Variants in FBXO25 observed in about 807,000 individuals in gnomAD.
The protein encoded by FBXO25 is F-box protein 25, also known as F-box only protein 25.
A neutral mutation model predicts 51.9 loss-of-function variants in FBXO25; 45 were observed. That is an observed-to-expected ratio of 0.87 (90% CI 0.68 to 1.11). The LOEUF (loss-of-function observed/expected upper bound fraction) is 1.11, where lower values mean the gene tolerates loss of function less well. Ranked by LOEUF, FBXO25 falls within the 50% of genes most tolerant of loss-of-function variation. The pLI, the probability that FBXO25 is intolerant of heterozygous loss-of-function variation, is 0.00. For missense variants in FBXO25, 507 were observed against 428.5 expected, an observed-to-expected ratio of 1.18 and a Z score of -1.62; for synonymous variants, 199 against 151.0, an observed-to-expected ratio of 1.32 and a Z score of -2.33.
chr8:419,975 C>G (rs1004994431), intron 2 of FBXO25, among the ~76,000 whole-genome samples: 3 of 152,054 alleles, frequency 2.0e-5, no homozygotes, highest in African/African-American at 4.8e-5. Flanking sequence ...TGTACTTCAC[C>G]AAACAACTTG....
At chr8:433,667 C>G (rs561481317) in intron 4 of FBXO25, among the ~76,000 whole-genome samples, 1 of 152,060 alleles carries the variant, frequency 6.6e-6, no homozygotes, top group African/African-American at 2.4e-5. Flanking sequence ...TTTTATAGGC[C>G]TAGAAACTCT....
intron 2 of FBXO25, among the ~76,000 whole-genome samples, chr8:425,797 C>T (rs1797437485): frequency 6.6e-6 from 1 of 151,718 alleles, no homozygotes; most frequent in Admixed American, 6.6e-5. Flanking sequence ...AATAGGTGAG[C>T]CAAGTCCATT....
intron 2 of FBXO25, among the ~76,000 whole-genome samples, chr8:425,839 G>C (rs1205903043): frequency 6.8e-6 from 1 of 146,988 alleles, no homozygotes; most frequent in Non-Finnish European, 1.5e-5. Context: ...GAACCACCTT[G>C]TTCTATTTTA....
chr8:468,405 A>G (rs2116863149), intron 9 of FBXO25: 3 of 487,868 alleles, frequency 6.1e-6, no homozygotes, highest in African/African-American at 2.1e-5. Context: ...GTGGCCTTGT[A>G]GATTCCGGGG....
At chr8:454,440 A>G (rs1479097328) in intron 7 of FBXO25, among the ~76,000 whole-genome samples, 3 of 152,198 alleles carry the variant, frequency 2.0e-5, no homozygotes, top group Non-Finnish European at 2.9e-5. Context: ...GGTGGGACAC[A>G]TGGATCAGCA....
intron 8 of FBXO25, among the ~76,000 whole-genome samples, 161 bp from the exon 9 acceptor site, chr8:462,846 G>GTACA (rs1362559056): frequency 2.0e-5 from 3 of 152,040 alleles, no homozygotes; most frequent in African/African-American, 4.8e-5. Context: ...CTTCAGCACT[G>GTACA]TACAATTCAT....
At position 476,518 on chromosome 8, in the gene FBXO25, C is replaced by G. The variant is rs745792315; in HGVS notation, c.*7714C>G. The G allele has an allele frequency of 2.0e-5, 3 of 152,152 alleles. No homozygotes were observed. Among genetic ancestry groups the G allele is most frequent in the African/African-American group, 2.4e-5 (1 of 41,442 alleles). The allele number at this position is 152,152 out of a possible 1,614,324, so 9.4% of individuals were successfully genotyped here. ...TTTCTTGGGAGGCTTTTCTTTACTA[C>G]TTCATGCTCTTGACTAGCATAGGTC... On this transcript the variant is annotated 3_prime_UTR_variant, in exon 10 of 10. Transcript: ENST00000350302.
rs372741528 is a variant in FBXO25, at chr8:458,379, A to G, written c.671A>G (p.Asn224Ser). The change falls in exon 8 of 10, where the codon AAT becomes AGT. Residue 224 changes from asparagine to serine, a missense_variant. Coordinates refer to ENST00000350302, the MANE Select transcript of FBXO25 (RefSeq NM_183420.2). The part of the protein sequence containing the change: ...QDLQMTKQVN[N>S]GLTLSDLPLH... ...GTGTTTTCCTTTCAGCAAGTGAACA[A>G]TGGCCTCACCCTCAGTGACCTTCCT... 40 of 1,613,186 alleles carry G rather than the reference A, an allele frequency of 2.5e-5. No homozygotes were observed. Among genetic ancestry groups the G allele is most frequent in the Admixed American group, 2.3e-4 (14 of 59,846 alleles).
At chr8:445,169 T>C (rs941565579) in intron 5 of FBXO25, among the ~76,000 whole-genome samples, 8 of 152,230 alleles carry the variant, frequency 5.3e-5, no homozygotes, top group Non-Finnish European at 1.0e-4. Flanking sequence ...TGCTTACCTA[T>C]GCCTCGTGAT....
At chr8:446,689 G>A (rs953631860) in intron 5 of FBXO25, among the ~76,000 whole-genome samples, 1 of 152,278 alleles carries the variant, frequency 6.6e-6, no homozygotes, top group East Asian at 1.9e-4. Flanking sequence ...TTTTAACATT[G>A]GTCTTCTCAG....
chr8:458,407 G>A lies in FBXO25; in HGVS notation c.699G>A (p.Leu233=). 1 of 1,614,090 alleles carries A rather than the reference G, an allele frequency of 6.2e-7. No homozygotes were observed. Among genetic ancestry groups the A allele is most frequent in the East Asian group, 2.2e-5 (1 of 44,866 alleles). The part of the protein sequence containing the change: ...NNGLTLSDLP[L]HMLNNILYRF... ...GCCTCACCCTCAGTGACCTTCCTCT[G>A]CACATGCTGAACAACATCCTATACC... The change falls in exon 8 of 10, where the codon CTG becomes CTA. Residue 233 remains leucine, a synonymous_variant. Coordinates refer to ENST00000350302, the MANE Select transcript of FBXO25 (RefSeq NM_183420.2).
At chr8:429,280 A>G (rs1281792969) in intron 2 of FBXO25, among the ~76,000 whole-genome samples, 1 of 152,042 alleles carries the variant, frequency 6.6e-6, no homozygotes, top group East Asian at 1.9e-4. Context: ...GTTAATTTGC[A>G]TTTACCTAAC....
chr8:470,072 T>TCCCGA lies in FBXO25; in HGVS notation c.*1272_*1276dup, dbSNP rs1200490017. ...CACTGTTACTTCACAACGCCCCCCGTCCCGACCCTGCCTTTTTTTAGAAAC... is the reference window on the plus strand; with the variant it reads ...CACTGTTACTTCACAACGCCCCCCGTCCCGACCCGACCCTGCCTTTTTTTAGAAAC... On this transcript the variant is annotated 3_prime_UTR_variant, in exon 10 of 10. Coordinates refer to ENST00000350302, the MANE Select transcript of FBXO25 (RefSeq NM_183420.2). 7.4e-6 allele frequency: 1 copy of TCCCGA among 135,690 alleles called. No individual in the cohort carries two copies. The highest frequency in any genetic ancestry group is 1.6e-5 in the Non-Finnish European group (1 of 63,964). 8.4% of individuals were successfully genotyped at this position (135,690 alleles called of 1,614,324 possible).
intron 2 of FBXO25, among the ~76,000 whole-genome samples, chr8:424,577 A>G (rs572870391): frequency 6.6e-6 from 1 of 152,308 alleles, no homozygotes; most frequent in African/African-American, 2.4e-5. Flanking sequence ...AGTCTTCTGT[A>G]TGTGGCTAGC....
At chr8:428,791 C>T (rs767327530) in intron 2 of FBXO25, among the ~76,000 whole-genome samples, 2 of 152,202 alleles carry the variant, frequency 1.3e-5, no homozygotes, top group South Asian at 2.1e-4. Context: ...TCAAATCAGA[C>T]AGTATGTGTC....
chr8:414,836 C>T (rs1333911414), intron 2 of FBXO25, among the ~76,000 whole-genome samples: 1 of 152,178 alleles, frequency 6.6e-6, no homozygotes, highest in African/African-American at 2.4e-5. Flanking sequence ...CCACCTTTTA[C>T]CCCACCTAGT....
intron 2 of FBXO25, among the ~76,000 whole-genome samples, chr8:414,013 C>T (rs370796738): frequency 2.7e-4 from 41 of 152,214 alleles, no homozygotes; most frequent in African/African-American, 9.6e-4. Flanking sequence ...TGGGTCTAGT[C>T]ATTTATTGTA....
At chr8:412,852 C>G (rs1375712751) in intron 1 of FBXO25, among the ~76,000 whole-genome samples, 5 of 152,110 alleles carry the variant, frequency 3.3e-5, no homozygotes, top group African/African-American at 1.2e-4. Context: ...ATGGGATACG[C>G]AGTATTAGGC....
chr8:457,629 TTAA>T (rs934488069), intron 7 of FBXO25, among the ~76,000 whole-genome samples: 1 of 152,156 alleles, frequency 6.6e-6, no homozygotes, highest in Non-Finnish European at 1.5e-5. Flanking sequence ...ATGACTGCAG[TTAA>T]TAATTATACA....
Sources: allele counts gnomAD v4.1 joint callset (sites outside exome capture counted in the v4.1 genomes callset), GRCh38; gene constraint gnomAD v4.1.1; transcripts MANE v1.5; gene names NCBI Gene and HGNC (gene_info 2026-07-23, HGNC 2026-07-21).